Variants in PDE10A observed in about 807,000 individuals in gnomAD.
PDE10A encodes the protein cAMP and cAMP-inhibited cGMP 3',5'-cyclic phosphodiesterase 10A.
PDE10A carries 39 observed loss-of-function variants against 97.7 expected under a neutral mutation model. The ratio of observed to expected loss-of-function variants is 0.40; its 90% CI spans 0.31 to 0.52. The LOEUF is 0.52. Ranked by LOEUF, PDE10A falls within the 20% of genes least tolerant of loss-of-function variation. The probability of loss-of-function intolerance (pLI) is 0.56; values close to 1 mark genes in which losing one functional copy is unlikely to be tolerated. For synonymous variants in PDE10A, 371 were observed against 376.8 expected (o/e 0.98, Z 0.18); for missense variants, 731 against 1,047.8 (o/e 0.70, Z 4.17).
rs2128169887 is a variant in PDE10A, at chr6:165,328,886, TAAAG to T, written c.*4135_*4138del. 1 of 152,324 alleles carries T rather than the reference TAAAG, an allele frequency of 6.6e-6. No homozygotes were observed. Among genetic ancestry groups the T allele is most frequent in the South Asian group, 2.1e-4 (1 of 4,830 alleles). 9.4% of individuals were successfully genotyped at this position (152,324 alleles called of 1,614,324 possible). A position where few individuals can be genotyped will look rare whatever the true frequency, so the allele number is the denominator to read the frequency against. Reference sequence around the variant, plus strand: ...TACTAATTTAAACAATATAAATGGTTAAAGAAGTCAGCAAAATGTGTATTGGCTA... The same window carrying T: ...TACTAATTTAAACAATATAAATGGTTAAGTCAGCAAAATGTGTATTGGCTA... On this transcript the variant is annotated 3_prime_UTR_variant, in exon 22 of 22. Transcript: ENST00000539869.
At chr6:165,576,504 C>A in intron 1 of PDE10A, 2 of 777,850 alleles carry the variant, frequency 2.6e-6, no homozygotes, top group Non-Finnish European at 4.8e-6. Flanking sequence ...ACTGTAACAT[C>A]TCTGTGGATG....
chr6:165,719,666 C>T (rs1198062908), intron 1 of PDE10A, among the ~76,000 whole-genome samples: 6 of 152,118 alleles, frequency 3.9e-5, no homozygotes, highest in South Asian at 2.1e-4. Context: ...GTAGGGCAGA[C>T]GCTGCAGGTG....
At chr6:165,722,017 T>G (rs1223600575) in intron 1 of PDE10A, among the ~76,000 whole-genome samples, 1 of 152,214 alleles carries the variant, frequency 6.6e-6, no homozygotes, top group Non-Finnish European at 1.5e-5. Flanking sequence ...GGTGATTTCT[T>G]AAATATGCAC....
chr6:165,713,795 G>T (rs941351953), intron 1 of PDE10A, among the ~76,000 whole-genome samples: 1 of 152,202 alleles, frequency 6.6e-6, no homozygotes. Context: ...ATTATTAACA[G>T]AAGAAAACTG....
chr6:165,742,883 A>G (rs1792760704), intron 1 of PDE10A, among the ~76,000 whole-genome samples: 1 of 152,196 alleles, frequency 6.6e-6, no homozygotes, highest in Non-Finnish European at 1.5e-5. Context: ...TGCGTTGTCC[A>G]TGGGTGAATT....
chr6:165,944,935 G>C (rs1253100301), intron 1 of PDE10A, among the ~76,000 whole-genome samples: 1 of 152,220 alleles, frequency 6.6e-6, no homozygotes, highest in African/African-American at 2.4e-5. Context: ...TCAATTTCTA[G>C]TTTTGCCAGC....
At chr6:165,513,581 C>T (rs115703366) in intron 2 of PDE10A, among the ~76,000 whole-genome samples, 4,263 of 152,004 alleles carry the variant, frequency 0.028, 195 homozygotes, top group African/African-American at 0.096. Context: ...AAAAGACCTG[C>T]GGGGATTTTC....
At chr6:165,597,853 G>A (rs1043404153) in intron 1 of PDE10A, among the ~76,000 whole-genome samples, 2 of 152,164 alleles carry the variant, frequency 1.3e-5, no homozygotes, top group Non-Finnish European at 2.9e-5. Flanking sequence ...GATTGTAAAT[G>A]GAAGGTAACA....
At chr6:165,679,707 A>C (rs1790924228) in intron 1 of PDE10A, among the ~76,000 whole-genome samples, 1 of 152,242 alleles carries the variant, frequency 6.6e-6, no homozygotes, top group South Asian at 2.1e-4. Context: ...AAACGGTTCA[A>C]GCCTCATCCA....
At chr6:165,496,195 C>T (rs772567396) in intron 2 of PDE10A, among the ~76,000 whole-genome samples, 4 of 152,042 alleles carry the variant, frequency 2.6e-5, no homozygotes, top group African/African-American at 7.2e-5. Flanking sequence ...CTCCTGCCAC[C>T]GAAGATGACC....
intron 1 of PDE10A, among the ~76,000 whole-genome samples, chr6:165,782,970 T>G (rs9348044): frequency 6.6e-6 from 1 of 152,030 alleles, no homozygotes; most frequent in Non-Finnish European, 1.5e-5. Flanking sequence ...CACATGACCA[T>G]GGCTTCCTAA....
At chr6:165,846,408 C>T (rs977870043) in intron 1 of PDE10A, among the ~76,000 whole-genome samples, 4 of 152,218 alleles carry the variant, frequency 2.6e-5, no homozygotes, top group Non-Finnish European at 1.5e-5. Context: ...AAGAGAAATC[C>T]TCCCAAGTGG....
upstream of PDE10A, among the ~76,000 whole-genome samples, chr6:165,664,759 G>T (rs1473280353): frequency 1.3e-5 from 2 of 152,192 alleles, no homozygotes; most frequent in African/African-American, 4.8e-5. Context: ...GGGTCTGAGG[G>T]CTGCCCACAC....
chr6:165,530,690 G>A (rs1343304872), intron 2 of PDE10A, among the ~76,000 whole-genome samples: 8 of 152,040 alleles, frequency 5.3e-5, no homozygotes, highest in Non-Finnish European at 7.4e-5. Context: ...CTCCACAAAC[G>A]TAATATAGAT....
At chr6:165,487,389 A>T (rs369050808) in intron 2 of PDE10A, among the ~76,000 whole-genome samples, 16 of 152,218 alleles carry the variant, frequency 1.1e-4, no homozygotes, top group East Asian at 7.7e-4. Flanking sequence ...TTGCAGGGAA[A>T]AAAGCTCAGG....
At chr6:165,918,217 G>T (rs1009520007) in intron 1 of PDE10A, among the ~76,000 whole-genome samples, 5 of 152,124 alleles carry the variant, frequency 3.3e-5, no homozygotes, top group Non-Finnish European at 5.9e-5. Context: ...TTTTTTAAGA[G>T]CCAGGTTCAC....
At chr6:165,702,165 G>C (rs1195347555) in intron 1 of PDE10A, among the ~76,000 whole-genome samples, 1 of 152,220 alleles carries the variant, frequency 6.6e-6, no homozygotes, top group East Asian at 1.9e-4. Context: ...ACATGCCCTG[G>C]GACGGCAGAG....
intron 1 of PDE10A, among the ~76,000 whole-genome samples, chr6:165,962,752 A>T (rs778297486): frequency 2.0e-5 from 3 of 152,200 alleles, no homozygotes; most frequent in Non-Finnish European, 4.4e-5. Context: ...ACCTTTATAA[A>T]TTCTGGTTCA....
intron 1 of PDE10A, among the ~76,000 whole-genome samples, chr6:165,913,465 T>C (rs1370214232): frequency 6.6e-6 from 1 of 152,216 alleles, no homozygotes; most frequent in Non-Finnish European, 1.5e-5. Flanking sequence ...TTACTTACAA[T>C]ATCTAACACA....
Sources: gnomAD v4.1 joint callset for allele counts (sites outside exome capture counted in the v4.1 genomes callset) on GRCh38, gnomAD v4.1.1 for gene constraint, MANE v1.5 for transcripts, NCBI Gene and HGNC (gene_info 2026-07-23, HGNC 2026-07-21) for gene names.